TP63: variants seen among roughly 807,000 people sequenced by gnomAD.
TP63 encodes tumor protein 63.
A neutral mutation model predicts 82.8 loss-of-function variants in TP63; 17 were observed. That is an observed-to-expected ratio of 0.21 (90% confidence interval 0.14 to 0.31). TP63 has a LOEUF of 0.31. TP63 is among the 10% of genes least tolerant of loss of function. The pLI is 1.00. For synonymous variants in TP63, 330 were observed against 321.7 expected (o/e 1.03, Z -0.28); for missense variants, 648 against 895.3 (o/e 0.72, Z 3.52).
intron 4 of TP63, among the ~76,000 whole-genome samples, chr3:189,808,845 T>C (rs1418888961): frequency 1.3e-5 from 2 of 152,230 alleles, no homozygotes; most frequent in Non-Finnish European, 2.9e-5. Context: ...ATCATAATCA[T>C]GGGATATGTG....
chr3:189,625,668 A>T, the TP63 span, among the ~76,000 whole-genome samples: 140,231 of 152,206 alleles, frequency 0.92, 65,728 homozygotes, highest in East Asian at 1. Context: ...TAAAGGTGCA[A>T]CATATCTGCA....
chr3:189,711,105 AT>A (rs1718564146), intron 1 of TP63, among the ~76,000 whole-genome samples: 1 of 152,210 alleles, frequency 6.6e-6, no homozygotes, highest in Non-Finnish European at 1.5e-5. Flanking sequence ...GGTAGGGGTC[AT>A]CTGTTGTCAG....
the TP63 span, among the ~76,000 whole-genome samples, chr3:189,618,787 TG>T: frequency 2.6e-5 from 4 of 152,212 alleles, no homozygotes; most frequent in South Asian, 2.1e-4. Flanking sequence ...GTGAATTTTC[TG>T]GCTTCATATT....
the TP63 span, among the ~76,000 whole-genome samples, chr3:189,599,669 C>T: frequency 2.0e-5 from 3 of 152,004 alleles, no homozygotes; most frequent in African/African-American, 7.3e-5. Flanking sequence ...AGGGAGTTTA[C>T]CAAAGAAAAA....
At chr3:189,808,247 T>C (rs1429989284) in intron 3 of TP63, 25 bp from the exon 4 acceptor site, 4 of 1,614,232 alleles carry the variant, frequency 2.5e-6, no homozygotes, top group Non-Finnish European at 3.4e-6. Flanking sequence ...GCGGCTAATA[T>C]TGGGGTTTCT....
At chr3:189,638,876 G>A (rs4396881) in intron 1 of TP63, among the ~76,000 whole-genome samples, 51,427 of 151,798 alleles carry the variant, frequency 0.34, 9,011 homozygotes, top group Non-Finnish European at 0.38. Flanking sequence ...TGCACACCCA[G>A]TTTTGAAAAT....
At chr3:189,631,662 C>T (rs1729465703) in intron 1 of TP63, 85 bp downstream of exon 1, 1 of 1,606,854 alleles carries the variant, frequency 6.2e-7, no homozygotes, top group East Asian at 2.2e-5. Context: ...GTACAAAGAA[C>T]AATTCCTCCT....
At chr3:189,628,648 A>T (rs1560069741), upstream of TP63, among the ~76,000 whole-genome samples, 2 of 152,164 alleles carry the variant, frequency 1.3e-5, no homozygotes, top group African/African-American at 2.4e-5. Context: ...TTATTATATT[A>T]CAATTTCTGC....
At chr3:189,855,684 T>C (rs1486971624) in intron 4 of TP63, among the ~76,000 whole-genome samples, 1 of 151,886 alleles carries the variant, frequency 6.6e-6, no homozygotes, top group African/African-American at 2.4e-5. Flanking sequence ...TATATGCCCC[T>C]AGTTTGTGTG....
chr3:189,811,299 C>T (rs553317162), intron 4 of TP63, among the ~76,000 whole-genome samples: 3 of 152,226 alleles, frequency 2.0e-5, no homozygotes, highest in South Asian at 4.2e-4. Flanking sequence ...TGGTTCGCAT[C>T]GATATATTGT....
chr3:189,758,648 G>A (rs1722358058), intron 3 of TP63, among the ~76,000 whole-genome samples: 2 of 152,174 alleles, frequency 1.3e-5, no homozygotes, highest in African/African-American at 4.8e-5. Context: ...TCTAGAACTT[G>A]TCTTGGTCTC....
intron 4 of TP63, chr3:189,844,258 A>C: frequency 2.5e-6 from 1 of 401,138 alleles, no homozygotes; most frequent in South Asian, 1.7e-5. Flanking sequence ...TGCAACCTCC[A>C]CCTCCTGGGT....
chr3:189,788,859 T>C (rs1255783625), intron 3 of TP63, among the ~76,000 whole-genome samples: 1 of 151,404 alleles, frequency 6.6e-6, no homozygotes, highest in Non-Finnish European at 1.5e-5. Context: ...TTATTACCTA[T>C]TCACAAGCAA....
chr3:189,845,679 T>C (rs907621399), intron 4 of TP63, among the ~76,000 whole-genome samples: 5 of 150,110 alleles, frequency 3.3e-5, no homozygotes, highest in African/African-American at 1.2e-4. Context: ...CAGACGTGAA[T>C]TGATCTGGAA....
chr3:189,747,694 C>A (rs1721481981), intron 3 of TP63, among the ~76,000 whole-genome samples: 1 of 151,644 alleles, frequency 6.6e-6, no homozygotes, highest in Non-Finnish European at 1.5e-5. Flanking sequence ...CAAGAACAAA[C>A]CAGATAGAAA....
At chr3:189,805,391 C>T (rs1726773639) in intron 3 of TP63, among the ~76,000 whole-genome samples, 1 of 152,166 alleles carries the variant, frequency 6.6e-6, no homozygotes, top group South Asian at 2.1e-4. Flanking sequence ...AACACATCAT[C>T]AAAGACAGAT....
In TP63 at chr3:189,851,285, G is replaced by A. The variant is rs79200110; in HGVS notation, c.580-12947G>A. 2.8e-4 allele frequency among the ~76,000 whole-genome samples: 43 copies of A among 152,296 alleles called. No individual in the cohort carries two copies. The East Asian group carries it at 7.9e-3, about 28-fold the overall frequency. ...TTAAATGTGTTATTTCCAGCCAGGCGCGGTGGCTCACACTCGTAATCCCAG... is the reference window on the plus strand; with the variant it reads ...TTAAATGTGTTATTTCCAGCCAGGCACGGTGGCTCACACTCGTAATCCCAG... On this transcript the variant is annotated intron_variant, in intron 4 of 13. Transcript: ENST00000264731.
chr3:189,867,767 G>A, intron 6 of TP63, 66 bp from the exon 7 acceptor site: 1 of 1,399,482 alleles, frequency 7.1e-7, no homozygotes, highest in Non-Finnish European at 1.0e-6. Flanking sequence ...ATAGAGGGAA[G>A]AACTGAGAAG....
At chr3:189,834,192 T>C (rs982331033) in intron 4 of TP63, among the ~76,000 whole-genome samples, 3 of 152,122 alleles carry the variant, frequency 2.0e-5, no homozygotes, top group African/African-American at 4.8e-5. Flanking sequence ...TATGTAGAAA[T>C]TGGGGATGCT....
Sources: gnomAD v4.1 joint callset for allele counts (sites outside exome capture counted in the v4.1 genomes callset) on GRCh38, gnomAD v4.1.1 for gene constraint, MANE v1.5 for transcripts, NCBI Gene and HGNC (gene_info 2026-07-23, HGNC 2026-07-21) for gene names.